Variants in PAWR observed in about 807,000 individuals in gnomAD.
The protein encoded by PAWR is PRKC apoptosis WT1 regulator protein.
PAWR carries 23 observed loss-of-function variants against 32.0 expected under a neutral mutation model. The ratio of observed to expected loss-of-function variants is 0.72; its 90% CI spans 0.52 to 1.02. The LOEUF (loss-of-function observed/expected upper bound fraction) is 1.02. Among genes scored for constraint, PAWR ranks in the 50% least tolerant of loss-of-function variants. The pLI, the probability that PAWR is intolerant of heterozygous loss-of-function variation, is 0.00. For missense variants in PAWR, 457 were observed against 437.7 expected (o/e 1.04, Z -0.39); for synonymous variants, 226 against 187.1 (o/e 1.21, Z -1.70).
intron 4 of PAWR, among the ~76,000 whole-genome samples, chr12:79,602,989 C>T (rs192329780): frequency 7.6e-4 from 115 of 152,220 alleles, no homozygotes; most frequent in Middle Eastern, 6.8e-3. Flanking sequence ...CACCTGTAAT[C>T]TCAGCACTTT....
At chr12:79,620,977 A>C (rs1874976432) in intron 3 of PAWR, 99 bp downstream of exon 3, 1 of 824,740 alleles carries the variant, frequency 1.2e-6, no homozygotes, top group African/African-American at 1.8e-5. Context: ...GGAGGAAAGG[A>C]GGCAATGGGA....
intron 3 of PAWR, among the ~76,000 whole-genome samples, 157 bp downstream of exon 3, chr12:79,620,919 C>G (rs1424019550): frequency 6.6e-6 from 1 of 152,054 alleles, no homozygotes; most frequent in Non-Finnish European, 1.5e-5. Flanking sequence ...TTACGGTGAG[C>G]CCAACATGTG....
At chr12:79,621,598 A>T (rs1158736317) in intron 2 of PAWR, among the ~76,000 whole-genome samples, 2 of 152,162 alleles carry the variant, frequency 1.3e-5, no homozygotes, top group Non-Finnish European at 2.9e-5. Context: ...AAGATAATAC[A>T]TATATATAGA....
chr12:79,610,947 A>G (rs973360660), intron 4 of PAWR, among the ~76,000 whole-genome samples: 1 of 151,416 alleles, frequency 6.6e-6, no homozygotes, highest in Admixed American at 6.6e-5. Context: ...ACATTCCACG[A>G]AAGTCAATTC....
rs1873540520 is a variant in PAWR, at chr12:79,591,090, T to G, written c.*1517A>C. On this transcript the variant is annotated 3_prime_UTR_variant, in exon 7 of 7. Coordinates refer to ENST00000328827, the MANE Select transcript of PAWR (RefSeq NM_002583.4). ...CCTTTAAAAATTGTGGAATCCAGAG[T>G]CTCAACCTAAACCTACATAGGAGCT... 1 of 152,000 alleles carries G rather than the reference T, an allele frequency of 6.6e-6. No individual in the cohort carries two copies. The highest frequency in any genetic ancestry group is 1.5e-5 in the Non-Finnish European group (1 of 67,994). 9.4% of individuals were successfully genotyped at this position (152,000 alleles called of 1,614,324 possible).
chr12:79,689,199 C>G (rs964662195), intron 2 of PAWR, among the ~76,000 whole-genome samples: 1 of 152,102 alleles, frequency 6.6e-6, no homozygotes, highest in Non-Finnish European at 1.5e-5. Flanking sequence ...AAATAGTGCA[C>G]GTATTCATTT....
At chr12:79,600,030 A>G (rs1264187451) in intron 4 of PAWR, among the ~76,000 whole-genome samples, 2 of 152,186 alleles carry the variant, frequency 1.3e-5, no homozygotes, top group Non-Finnish European at 2.9e-5. Flanking sequence ...AATTTTGATC[A>G]TTTTATATTG....
intron 2 of PAWR, among the ~76,000 whole-genome samples, chr12:79,683,741 C>A (rs570942197): frequency 6.6e-6 from 1 of 151,776 alleles, no homozygotes; most frequent in Admixed American, 6.6e-5. Context: ...TAGGTTTTTG[C>A]AAAAGTAATC....
intron 2 of PAWR, among the ~76,000 whole-genome samples, chr12:79,662,844 G>T (rs760845274): frequency 6.6e-6 from 1 of 152,164 alleles, no homozygotes; most frequent in African/African-American, 2.4e-5. Flanking sequence ...TCAAGAAAAT[G>T]CTGTTTTTAA....
intron 2 of PAWR, among the ~76,000 whole-genome samples, chr12:79,634,112 T>C (rs914121049): frequency 1.3e-5 from 2 of 152,162 alleles, no homozygotes; most frequent in East Asian, 1.9e-4. Context: ...AAAATTTATG[T>C]TTTGACTAAA....
At chr12:79,602,047 T>C (rs1873982231) in intron 4 of PAWR, among the ~76,000 whole-genome samples, 2 of 152,186 alleles carry the variant, frequency 1.3e-5, no homozygotes, top group Admixed American at 1.3e-4. Flanking sequence ...TTTGTAATAG[T>C]TAAACTAGAT....
intron 4 of PAWR, chr12:79,604,530 G>C (rs1874092132): frequency 8.5e-7 from 1 of 1,172,936 alleles, no homozygotes; most frequent in Non-Finnish European, 1.1e-6. Flanking sequence ...AAGACTCAAG[G>C]GTAAATCCTA....
In PAWR at chr12:79,587,813, T is replaced by G. The variant is rs1397295686; in HGVS notation, c.*4794A>C. ...CTGTTGAAAAATAAATGAAAAAAAT[T>G]TTATTGAGTATTACTTTATACATGC... On this transcript the variant is annotated 3_prime_UTR_variant, in exon 7 of 7. Transcript: ENST00000328827. 1 of 151,962 alleles carries G rather than the reference T, an allele frequency of 6.6e-6. No individual in the cohort carries two copies. Among genetic ancestry groups the G allele is most frequent in the Non-Finnish European group, 1.5e-5 (1 of 67,860 alleles). The allele number at this position is 151,962 out of a possible 1,614,324, so 9.4% of individuals were successfully genotyped here.
At chr12:79,663,466 T>C (rs1204697865) in intron 2 of PAWR, among the ~76,000 whole-genome samples, 1 of 152,222 alleles carries the variant, frequency 6.6e-6, no homozygotes, top group Non-Finnish European at 1.5e-5. Flanking sequence ...CCCTTCGTGA[T>C]TCTTAGGCAA....
At chr12:79,657,814 A>G (rs1193737704) in intron 2 of PAWR, among the ~76,000 whole-genome samples, 2 of 152,074 alleles carry the variant, frequency 1.3e-5, no homozygotes, top group East Asian at 3.9e-4. Flanking sequence ...AAAGATTCTC[A>G]AGGAGGACTC....
At chr12:79,630,966 T>C (rs113062867) in intron 2 of PAWR, among the ~76,000 whole-genome samples, 13 of 151,314 alleles carry the variant, frequency 8.6e-5, no homozygotes, top group African/African-American at 2.9e-4. Flanking sequence ...ATGCAAAATA[T>C]ATAAAAAAGG....
At chr12:79,625,417 C>T (rs1378665523) in intron 2 of PAWR, among the ~76,000 whole-genome samples, 3 of 151,176 alleles carry the variant, frequency 2.0e-5, no homozygotes, top group Non-Finnish European at 4.4e-5. Context: ...CTCAACAAGT[C>T]CAAAAAGAAT....
chr12:79,648,826 T>C (rs977826330), intron 2 of PAWR, among the ~76,000 whole-genome samples: 1 of 151,726 alleles, frequency 6.6e-6, no homozygotes, highest in Non-Finnish European at 1.5e-5. Flanking sequence ...TAAAAGGTCG[T>C]TTAGCAATTA....
At chr12:79,662,572 C>T (rs568084378) in intron 2 of PAWR, among the ~76,000 whole-genome samples, 1 of 152,300 alleles carries the variant, frequency 6.6e-6, no homozygotes. Flanking sequence ...GACCACACTG[C>T]CAAGCTGACC....
Sources: gnomAD v4.1 joint callset for allele counts (sites outside exome capture counted in the v4.1 genomes callset) on GRCh38, gnomAD v4.1.1 for gene constraint, MANE v1.5 for transcripts, NCBI Gene and HGNC (gene_info 2026-07-23, HGNC 2026-07-21) for gene names.